KCNQ5: variants seen among roughly 807,000 people sequenced by gnomAD.
KCNQ5 encodes potassium voltage-gated channel subfamily Q member 5.
In KCNQ5, 30 loss-of-function variants were observed where a neutral mutation model predicts 98.2. That is an observed-to-expected ratio of 0.31 (90% CI 0.23 to 0.41). KCNQ5 has a LOEUF of 0.41. Among genes scored for constraint, KCNQ5 ranks in the 10% least tolerant of loss-of-function variants. The probability of loss-of-function intolerance (pLI) is 1.00; values close to 1 mark genes in which losing one functional copy is unlikely to be tolerated. For missense variants in KCNQ5, 835 were observed against 1,182.5 expected, an observed-to-expected ratio of 0.71 and a Z score of 4.31; for synonymous variants, 458 against 449.4, an observed-to-expected ratio of 1.02 and a Z score of -0.24.
intron 1 of KCNQ5, among the ~76,000 whole-genome samples, chr6:72,643,089 C>T (rs774171524): frequency 1.3e-5 from 2 of 152,106 alleles, no homozygotes; most frequent in Non-Finnish European, 2.9e-5. Flanking sequence ...AAGGGAACAA[C>T]AGACACTGGA....
chr6:72,895,828 C>G (rs999568703), intron 1 of KCNQ5, among the ~76,000 whole-genome samples: 1 of 151,594 alleles, frequency 6.6e-6, no homozygotes, highest in Non-Finnish European at 1.5e-5. Flanking sequence ...CTCTTACATC[C>G]AAAGTAATAT....
chr6:73,096,709 C>T (rs561980539), intron 5 of KCNQ5, among the ~76,000 whole-genome samples: 3 of 152,174 alleles, frequency 2.0e-5, no homozygotes, highest in East Asian at 1.9e-4. Flanking sequence ...ATCATTACAT[C>T]GTGCTAATTA....
intron 1 of KCNQ5, among the ~76,000 whole-genome samples, chr6:72,933,086 AAATACCAGGACAGGAGAAAAATCTG>A (rs1424315743): frequency 6.6e-6 from 1 of 152,224 alleles, no homozygotes; most frequent in Non-Finnish European, 1.5e-5. Flanking sequence ...ACCCTCAAGA[AAATACCAGGACAGGAGAAAAATCTG>A]AATTTTTAAT....
intron 1 of KCNQ5, among the ~76,000 whole-genome samples, chr6:72,771,709 A>T (rs1439428078): frequency 1.4e-5 from 2 of 146,868 alleles, no homozygotes; most frequent in African/African-American, 5.0e-5. Flanking sequence ...CTATACCTTA[A>T]ATATATGCAA....
intron 1 of KCNQ5, among the ~76,000 whole-genome samples, chr6:72,933,632 C>T (rs553397983): frequency 1.1e-4 from 17 of 152,284 alleles, no homozygotes; most frequent in African/African-American, 4.1e-4. Flanking sequence ...ACTCCATAAA[C>T]CTAAATCTTG....
intron 1 of KCNQ5, among the ~76,000 whole-genome samples, chr6:72,943,544 G>A (rs1439525598): frequency 1.3e-5 from 2 of 152,210 alleles, no homozygotes; most frequent in African/African-American, 4.8e-5. Flanking sequence ...GTCAAGAAGT[G>A]TCAAATTATC....
At chr6:72,676,724 T>G (rs1157767651) in intron 1 of KCNQ5, among the ~76,000 whole-genome samples, 2 of 115,484 alleles carry the variant, frequency 1.7e-5, no homozygotes, top group Admixed American at 8.1e-5. Flanking sequence ...TTTGACATTT[T>G]CTTTAAAATC....
At chr6:72,934,673 TA>T (rs902674867) in intron 1 of KCNQ5, among the ~76,000 whole-genome samples, 1 of 152,230 alleles carries the variant, frequency 6.6e-6, no homozygotes, top group Admixed American at 6.5e-5. Context: ...TCCTAAATTA[TA>T]GGGACTAATC....
chr6:73,120,393 T>A (rs887212695), intron 7 of KCNQ5, 90 bp from the exon 8 acceptor site: 8 of 864,382 alleles, frequency 9.3e-6, no homozygotes, highest in South Asian at 4.0e-5. Flanking sequence ...AGATTCTTCA[T>A]GTGTAGTAAC....
chr6:73,035,985 TTGTGTGTGTG>T (rs70994155), intron 2 of KCNQ5, among the ~76,000 whole-genome samples: 1,881 of 140,504 alleles, frequency 0.013, 28 homozygotes, highest in East Asian at 0.056. Context: ...TTGAATACAT[TTGTGTGTGTG>T]TGTGTGTGTG....
In KCNQ5 at chr6:72,622,673, G is replaced by T. The variant is rs2098915981; in HGVS notation, c.398+86G>T. 2 of 1,493,738 alleles carry T rather than the reference G, an allele frequency of 1.3e-6. No homozygotes were observed. Among genetic ancestry groups the T allele is most frequent in the East Asian group, 2.4e-5 (1 of 42,176 alleles). The allele number at this position is 1,493,738 out of a possible 1,614,324, so 92.5% of individuals were successfully genotyped here. A position where few individuals can be genotyped will look rare whatever the true frequency, so the allele number is the denominator to read the frequency against. On this transcript the variant is annotated intron_variant, in intron 1 of 13. Coordinates refer to ENST00000370398, the MANE Select transcript of KCNQ5 (RefSeq NM_019842.4). The surrounding 1 kb of genome is among the most constrained non-coding windows in gnomAD (Gnocchi z 6.0). The stretch of plus-strand genomic sequence containing the variant: ...GGCGTGCTCCGCGCTCGCGCCCTTG[G>T]GCCCCCGCGCGCGTGCACACGTGGT...
chr6:72,835,887 A>G (rs550033480), intron 1 of KCNQ5, among the ~76,000 whole-genome samples: 1 of 152,356 alleles, frequency 6.6e-6, no homozygotes, highest in East Asian at 1.9e-4. Context: ...TTCATAATGG[A>G]ATGACTATAT....
chr6:72,668,749 C>G (rs1297246606), intron 1 of KCNQ5, among the ~76,000 whole-genome samples: 1 of 146,098 alleles, frequency 6.8e-6, no homozygotes, highest in Non-Finnish European at 1.5e-5. Flanking sequence ...CATGTGCTCT[C>G]TCCCCACCAT....
At chr6:72,987,868 G>A in intron 1 of KCNQ5, 1 of 327,176 alleles carries the variant, frequency 3.1e-6, no homozygotes, top group Non-Finnish European at 5.8e-6. Flanking sequence ...TTGAGCAGTA[G>A]GATATAAATA....
chr6:72,724,600 G>A (rs1770163680), intron 1 of KCNQ5, among the ~76,000 whole-genome samples: 2 of 152,176 alleles, frequency 1.3e-5, no homozygotes, highest in South Asian at 4.1e-4. Flanking sequence ...CACACCACAT[G>A]TGAATTTAAT....
intron 1 of KCNQ5, among the ~76,000 whole-genome samples, chr6:72,877,686 T>C (rs1347745479): frequency 3.3e-5 from 5 of 152,214 alleles, no homozygotes; most frequent in African/African-American, 7.2e-5. Flanking sequence ...CCACCAACAG[T>C]GTAAAAGCGT....
At chr6:72,762,238 A>G (rs989684427) in intron 1 of KCNQ5, among the ~76,000 whole-genome samples, 6 of 152,042 alleles carry the variant, frequency 3.9e-5, no homozygotes, top group African/African-American at 1.2e-4. Context: ...GTCAGGAAAT[A>G]ACATTTTTGT....
intron 3 of KCNQ5, among the ~76,000 whole-genome samples, chr6:73,076,242 A>G (rs1773535570): frequency 1.3e-5 from 2 of 152,216 alleles, no homozygotes; most frequent in African/African-American, 4.8e-5. Context: ...TCACTTATAC[A>G]GCAGTTAATC....
chr6:72,712,953 G>A lies in KCNQ5; in HGVS notation c.398+90366G>A, dbSNP rs371561180. ...AGTCTTCCCTTGGAAGATAATCTAC[G>A]TGGCAACAAAAACTTTCTCTCTCCT... is the stretch of plus-strand genomic sequence containing the variant. On this transcript the variant is annotated intron_variant, in intron 1 of 13. Transcript: ENST00000370398. Among the ~76,000 whole-genome samples, 65 of 152,182 alleles carry A rather than the reference G, an allele frequency of 4.3e-4. 2 individuals carry two copies. Among genetic ancestry groups the A allele is most frequent in the African/African-American group, 1.4e-3 (57 of 41,522 alleles).
Sources: gnomAD v4.1 joint callset for allele counts (sites outside exome capture counted in the v4.1 genomes callset) on GRCh38, gnomAD v4.1.1 for gene constraint, Gnocchi (gnomAD v3.1) non-coding constraint, MANE v1.5 for transcripts, NCBI Gene and HGNC (gene_info 2026-07-23, HGNC 2026-07-21) for gene names.